ITSN1: variants seen among roughly 807,000 people sequenced by gnomAD.
The protein encoded by ITSN1 is intersectin 1.
Under a neutral mutation model 239.8 loss-of-function variants are expected in ITSN1, and 58 were observed. The observed-to-expected ratio is 0.24, with a 90% CI of 0.20 to 0.30. The LOEUF is 0.30. Among genes scored for constraint, ITSN1 ranks in the 10% least tolerant of loss-of-function variants. The pLI is 1.00. For missense variants in ITSN1, 1,558 were observed against 2,103.3 expected, an observed-to-expected ratio of 0.74 and a Z score of 5.07; for synonymous variants, 780 against 770.8, an observed-to-expected ratio of 1.01 and a Z score of -0.20.
intron 1 of ITSN1, among the ~76,000 whole-genome samples, chr21:33,669,812 A>T (rs1175498529): frequency 6.6e-6 from 1 of 150,576 alleles, no homozygotes; most frequent in Non-Finnish European, 1.5e-5. Flanking sequence ...AGAAAATGAC[A>T]TGTGTTGGTG....
Position 33,728,468 on chromosome 21 carries a change from T to G in ITSN1, c.185+5817T>G, listed in dbSNP as rs547483259. On this transcript the variant is annotated intron_variant, in intron 4 of 39. Coordinates refer to ENST00000381318, the MANE Select transcript of ITSN1 (RefSeq NM_003024.3). ...TGGTCTGGATCTCCTGACATTGTGA[T>G]CCGCCTGCCTCGGCCTCCCAAAGTG... 4.6e-5 allele frequency among the ~76,000 whole-genome samples: 7 copies of G among 152,260 alleles called. No homozygotes were observed. In the South Asian group the frequency reaches 1.5e-3, roughly 32 times the overall value.
intron 1 of ITSN1, among the ~76,000 whole-genome samples, chr21:33,700,568 G>A (rs977220801): frequency 3.9e-5 from 6 of 152,030 alleles, no homozygotes; most frequent in East Asian, 1.9e-4. Context: ...AGCCTAATCC[G>A]TTTATAAATG....
intron 14 of ITSN1, among the ~76,000 whole-genome samples, chr21:33,778,901 A>G (rs925256701): frequency 7.0e-4 from 106 of 152,134 alleles, no homozygotes; most frequent in African/African-American, 2.4e-3. Context: ...TATTGTATGT[A>G]AGTCTGTAGT....
At chr21:33,802,300 C>A in intron 19 of ITSN1, 130 bp from the exon 20 acceptor site, 1 of 842,450 alleles carries the variant, frequency 1.2e-6, no homozygotes, top group South Asian at 1.7e-5. Flanking sequence ...CTGTTGAAAC[C>A]TTTTCCTCGA....
intron 8 of ITSN1, among the ~76,000 whole-genome samples, chr21:33,759,310 G>A (rs980224133): frequency 6.6e-6 from 1 of 152,212 alleles, no homozygotes; most frequent in Non-Finnish European, 1.5e-5. Flanking sequence ...TTCACAGATG[G>A]AAGAACTTCA....
At chr21:33,673,780 G>A (rs1004317258) in intron 1 of ITSN1, among the ~76,000 whole-genome samples, 2 of 152,082 alleles carry the variant, frequency 1.3e-5, no homozygotes, top group African/African-American at 4.8e-5. Flanking sequence ...TTAATTTATT[G>A]AACAAATGAA....
chr21:33,671,556 C>T (rs1410301088), intron 1 of ITSN1, among the ~76,000 whole-genome samples: 1 of 152,064 alleles, frequency 6.6e-6, no homozygotes, highest in Non-Finnish European at 1.5e-5. Flanking sequence ...TGTGCCCGGC[C>T]TGTTTTGTTT....
At chr21:33,769,008 A>G (rs192964939) in intron 11 of ITSN1, among the ~76,000 whole-genome samples, 1 of 152,350 alleles carries the variant, frequency 6.6e-6, no homozygotes, top group Non-Finnish European at 1.5e-5. Flanking sequence ...GGAGAGTATT[A>G]TAGATGCACA....
intron 14 of ITSN1, among the ~76,000 whole-genome samples, chr21:33,779,911 A>T (rs1019631451): frequency 1.2e-4 from 18 of 151,848 alleles, no homozygotes. Flanking sequence ...GGCTCACTGC[A>T]ACCTCTGCTT....
At chr21:33,743,163 A>T (rs1013590537) in intron 5 of ITSN1, among the ~76,000 whole-genome samples, 1 of 152,216 alleles carries the variant, frequency 6.6e-6, no homozygotes, top group Non-Finnish European at 1.5e-5. Flanking sequence ...GAGGAAAAAA[A>T]TTTAAATTAA....
intron 1 of ITSN1, among the ~76,000 whole-genome samples, chr21:33,645,246 C>T (rs2087829116): frequency 6.6e-6 from 1 of 152,156 alleles, no homozygotes; most frequent in African/African-American, 2.4e-5. Flanking sequence ...GAGCTGTTCC[C>T]TTCTGAATGA....
intron 29 of ITSN1, among the ~76,000 whole-genome samples, chr21:33,840,936 C>A (rs570046118): frequency 2.0e-5 from 3 of 152,304 alleles, no homozygotes; most frequent in African/African-American, 7.2e-5. Context: ...AGATTGTCTT[C>A]ATTGTGCACT....
intron 1 of ITSN1, among the ~76,000 whole-genome samples, chr21:33,653,618 G>T (rs1319855528): frequency 1.3e-5 from 2 of 151,808 alleles, no homozygotes; most frequent in Non-Finnish European, 2.9e-5. Flanking sequence ...CACCTCCCGG[G>T]ATCATGCCAT....
chr21:33,802,376 T>A (rs2072067927), intron 19 of ITSN1, 54 bp from the exon 20 acceptor site: 5 of 1,566,348 alleles, frequency 3.2e-6, no homozygotes, highest in Middle Eastern at 3.4e-4. Flanking sequence ...GAATAAAGCA[T>A]GTCATTAAAC....
intron 30 of ITSN1, among the ~76,000 whole-genome samples, 184 bp from the exon 31 acceptor site, chr21:33,858,502 G>A (rs942836257): frequency 3.3e-5 from 5 of 152,094 alleles, no homozygotes; most frequent in East Asian, 1.9e-4. Flanking sequence ...ACCCCCCTCC[G>A]GTTTCCAGGG....
chr21:33,706,034 A>G (rs1302923548), intron 1 of ITSN1, among the ~76,000 whole-genome samples: 2 of 151,994 alleles, frequency 1.3e-5, no homozygotes, highest in African/African-American at 2.4e-5. Context: ...TTTATATTTG[A>G]ATTTTGTTCA....
chr21:33,857,088 A>T (rs1024798235), intron 30 of ITSN1, among the ~76,000 whole-genome samples: 1 of 152,196 alleles, frequency 6.6e-6, no homozygotes, highest in African/African-American at 2.4e-5. Flanking sequence ...CACTTAGCCA[A>T]GGGCAAGTGA....
At chr21:33,877,070 T>TTTTTTTTTTTTTTTTG (rs1569334979) in intron 34 of ITSN1, among the ~76,000 whole-genome samples, 1 of 144,848 alleles carries the variant, frequency 6.9e-6, no homozygotes. Context: ...TTTTTTTTTT[T>TTTTTTTTTTTTTTTTG]TGAAATGGAG....
chr21:33,739,483 C>T (rs1252068203), intron 5 of ITSN1, among the ~76,000 whole-genome samples: 4 of 152,148 alleles, frequency 2.6e-5, no homozygotes, highest in African/African-American at 9.7e-5. Flanking sequence ...ATGGCTTCTA[C>T]CACTGTGGAT....
Sources: allele counts gnomAD v4.1 joint callset (sites outside exome capture counted in the v4.1 genomes callset), GRCh38; gene constraint gnomAD v4.1.1; transcripts MANE v1.5; gene names NCBI Gene and HGNC (gene_info 2026-07-23, HGNC 2026-07-21).